The following GRB14 variants were observed in gnomAD, a reference collection of about 807,000 sequenced individuals.
GRB14 encodes the protein growth factor receptor bound protein 14, also known as growth factor receptor-bound protein 14.
In GRB14, 38 loss-of-function variants were observed where a neutral mutation model predicts 69.1. That is an observed-to-expected ratio of 0.55 (90% CI 0.42 to 0.72). GRB14 has a LOEUF of 0.72. Among genes scored for constraint, GRB14 ranks in the 30% least tolerant of loss-of-function variants. GRB14 has a pLI of 0.00. For missense variants in GRB14, 666 were observed against 666.1 expected (o/e 1.00, Z 0.00); for synonymous variants, 247 against 241.3 (o/e 1.02, Z -0.22).
At chr2:164,576,915 G>A (rs1275176008) in intron 2 of GRB14, among the ~76,000 whole-genome samples, 1 of 151,262 alleles carries the variant, frequency 6.6e-6, no homozygotes, top group Non-Finnish European at 1.5e-5. Flanking sequence ...AACAAATCTA[G>A]GGGGAAAAAG....
At chr2:164,560,253 G>A (rs535560743) in intron 2 of GRB14, among the ~76,000 whole-genome samples, 1 of 152,178 alleles carries the variant, frequency 6.6e-6, no homozygotes, top group African/African-American at 2.4e-5. Context: ...AACATAATTA[G>A]ATGTATACAT....
chr2:164,547,600 G>A (rs1368167402), intron 3 of GRB14, 60 bp downstream of exon 3: 96 of 1,338,192 alleles, frequency 7.2e-5, no homozygotes, highest in Non-Finnish European at 1.1e-5. Flanking sequence ...TGGTGTTCAA[G>A]AGGGAGCTGA....
intron 8 of GRB14, among the ~76,000 whole-genome samples, chr2:164,503,389 T>C (rs1028288323): frequency 8.0e-6 from 1 of 124,312 alleles, no homozygotes; most frequent in Admixed American, 9.2e-5. Flanking sequence ...TAAAGAAAAA[T>C]AGTCATTCCC....
In GRB14 at chr2:164,497,265, G is replaced by A. The variant is rs776182183; in HGVS notation, c.1240C>T (p.Leu414=). The change falls in exon 11 of 14, where the codon CTG becomes TTG. Residue 414 remains leucine (L), a synonymous_variant. Transcript: ENST00000263915. ...GCAGTGGGGCTACCGTGAGTGCCCA[G>A]GCGTAAACATCCTTTTTTCTGAGCA... ...LAWRKKGCLR[L]GTHGSPTASS... 1.1e-5 allele frequency: 18 copies of A among 1,613,416 alleles called. No homozygotes were observed. The highest frequency in any genetic ancestry group is 1.4e-5 in the Non-Finnish European group (17 of 1,179,714).
At chr2:164,607,931 C>T (rs1206459843) in intron 2 of GRB14, among the ~76,000 whole-genome samples, 6 of 152,076 alleles carry the variant, frequency 3.9e-5, no homozygotes, top group Non-Finnish European at 7.4e-5. Context: ...TATATATGTT[C>T]ATCAAAAGTT....
chr2:164,532,530 G>A (rs1050282371), intron 3 of GRB14, among the ~76,000 whole-genome samples: 1 of 152,112 alleles, frequency 6.6e-6, no homozygotes, highest in Non-Finnish European at 1.5e-5. Flanking sequence ...ATTAAGGTAG[G>A]ACCTAAATCC....
chr2:164,546,159 G>A (rs1283636936), intron 3 of GRB14, among the ~76,000 whole-genome samples: 1 of 152,156 alleles, frequency 6.6e-6, no homozygotes, highest in Non-Finnish European at 1.5e-5. Context: ...ATCAATTTGA[G>A]CTGTTTTAGG....
intron 2 of GRB14, among the ~76,000 whole-genome samples, chr2:164,599,537 CAAA>C (rs1689865878): frequency 6.6e-6 from 1 of 152,090 alleles, no homozygotes; most frequent in South Asian, 2.1e-4. Context: ...CACAGTTTGA[CAAA>C]AAGAATGACA....
chr2:164,587,721 A>T (rs1330139115), intron 2 of GRB14, among the ~76,000 whole-genome samples: 2 of 152,224 alleles, frequency 1.3e-5, no homozygotes, highest in African/African-American at 4.8e-5. Flanking sequence ...TTCCAATGCA[A>T]GATCTGCTAG....
chr2:164,579,498 CTT>C (rs1318316989), intron 2 of GRB14, among the ~76,000 whole-genome samples: 1 of 132,870 alleles, frequency 7.5e-6, no homozygotes, highest in Non-Finnish European at 1.6e-5. Context: ...ACAGGGCACA[CTT>C]GCACACACAC....
At chr2:164,556,304 T>C (rs905117503) in intron 2 of GRB14, among the ~76,000 whole-genome samples, 12 of 152,310 alleles carry the variant, frequency 7.9e-5, no homozygotes, top group African/African-American at 2.6e-4. Context: ...AAAAACAGTA[T>C]ATAGTTTTGA....
chr2:164,596,337 T>C (rs1379886677), intron 2 of GRB14, among the ~76,000 whole-genome samples: 3 of 152,194 alleles, frequency 2.0e-5, no homozygotes, highest in African/African-American at 7.2e-5. Flanking sequence ...GTAAGGGTTG[T>C]TTTGTCTTTT....
intron 9 of GRB14, 56 bp from the exon 10 acceptor site, chr2:164,497,546 A>C: frequency 8.9e-7 from 1 of 1,123,702 alleles, no homozygotes; most frequent in Non-Finnish European, 1.3e-6. Flanking sequence ...TTATCTTTCA[A>C]ATAAATTGAA....
intron 3 of GRB14, among the ~76,000 whole-genome samples, chr2:164,532,382 T>C (rs909715173): frequency 6.6e-6 from 1 of 152,222 alleles, no homozygotes; most frequent in African/African-American, 2.4e-5. Context: ...TTAATTCTTA[T>C]AATACCTATA....
intron 5 of GRB14, among the ~76,000 whole-genome samples, chr2:164,523,063 A>C (rs1181417346): frequency 6.6e-6 from 1 of 152,120 alleles, no homozygotes; most frequent in Non-Finnish European, 1.5e-5. Flanking sequence ...AGAGAGAGAC[A>C]GTAAGTGGGG....
intron 6 of GRB14, 67 bp from the exon 7 acceptor site, chr2:164,508,919 A>G: frequency 2.8e-6 from 3 of 1,073,816 alleles, no homozygotes; most frequent in Non-Finnish European, 3.9e-6. Flanking sequence ...TTTATATTAT[A>G]TAATTTATAC....
At chr2:164,574,353 T>C (rs1270869374) in intron 2 of GRB14, among the ~76,000 whole-genome samples, 2 of 151,820 alleles carry the variant, frequency 1.3e-5, no homozygotes, top group Non-Finnish European at 2.9e-5. Flanking sequence ...GTGATTCTCC[T>C]GCCTCAGCCT....
chr2:164,550,303 C>G (rs559410801), intron 2 of GRB14, among the ~76,000 whole-genome samples: 1 of 152,144 alleles, frequency 6.6e-6, no homozygotes, highest in African/African-American at 2.4e-5. Flanking sequence ...ACAGAATGAG[C>G]CTTTGTTCCT....
intron 6 of GRB14, among the ~76,000 whole-genome samples, chr2:164,520,294 G>A (rs1194169901): frequency 1.3e-5 from 2 of 152,092 alleles, no homozygotes; most frequent in African/African-American, 4.8e-5. Context: ...GGGATAATTG[G>A]CAAGTCACAT....
Sources: gnomAD v4.1 joint callset for allele counts (sites outside exome capture counted in the v4.1 genomes callset) on GRCh38, gnomAD v4.1.1 for gene constraint, MANE v1.5 for transcripts, NCBI Gene and HGNC (gene_info 2026-07-23, HGNC 2026-07-21) for gene names.